Variants in ARK2C observed in about 807,000 individuals in gnomAD.
ARK2C encodes E3 ubiquitin-protein ligase ARK2C.
the ARK2C span, among the ~76,000 whole-genome samples, chr18:46,370,535 T>C: frequency 6.6e-6 from 1 of 152,146 alleles, no homozygotes. Context: ...GGGAAAACAT[T>C]GTGTTCAGAT....
chr18:46,358,951 GGTCCCC>G, the ARK2C span, among the ~76,000 whole-genome samples: 1 of 152,140 alleles, frequency 6.6e-6, no homozygotes, highest in African/African-American at 2.4e-5. Flanking sequence ...CAGAGCCCCA[GGTCCCC>G]TACCCCTTTG....
At chr18:46,360,817 G>A in the ARK2C span, among the ~76,000 whole-genome samples, 3 of 152,188 alleles carry the variant, frequency 2.0e-5, no homozygotes, top group African/African-American at 7.2e-5. Flanking sequence ...AGGGTCACAG[G>A]GCCCACCTAA....
chr18:46,399,350 G>C, the ARK2C span, among the ~76,000 whole-genome samples: 1 of 152,204 alleles, frequency 6.6e-6, no homozygotes, highest in Non-Finnish European at 1.5e-5. Flanking sequence ...AAGGATGCTG[G>C]GGTGCTGGCC....
the ARK2C span, among the ~76,000 whole-genome samples, chr18:46,384,972 C>T: frequency 5.9e-5 from 9 of 152,260 alleles, no homozygotes; most frequent in African/African-American, 2.2e-4. Context: ...CCACTCACTT[C>T]TTGATGGTCA....
At chr18:46,343,844 G>A in the ARK2C span, among the ~76,000 whole-genome samples, 1 of 152,216 alleles carries the variant, frequency 6.6e-6, no homozygotes, top group Admixed American at 6.5e-5. Flanking sequence ...AATTGCCCCT[G>A]CCTGGCTAGT....
chr18:46,381,967 C>T, the ARK2C span, among the ~76,000 whole-genome samples: 1 of 152,196 alleles, frequency 6.6e-6, no homozygotes, highest in South Asian at 2.1e-4. Context: ...GCAGGGCCTC[C>T]CTTCTCTTAG....
the ARK2C span, among the ~76,000 whole-genome samples, chr18:46,429,433 C>G: frequency 6.6e-6 from 1 of 152,156 alleles, no homozygotes; most frequent in African/African-American, 2.4e-5. Context: ...CATAAATTAC[C>G]AAGCAAATTT....
chr18:46,359,426 C>A, the ARK2C span, among the ~76,000 whole-genome samples: 1 of 152,102 alleles, frequency 6.6e-6, no homozygotes, highest in Non-Finnish European at 1.5e-5. Context: ...GGGACCTGAC[C>A]ACTGATGAGC....
chr18:46,461,191 C>T, the ARK2C span: 1 of 152,328 alleles, frequency 6.6e-6, no homozygotes. Flanking sequence ...GTCCCAATGA[C>T]CTTGAGCAAG....
At chr18:46,371,352 C>A in the ARK2C span, among the ~76,000 whole-genome samples, 1 of 152,106 alleles carries the variant, frequency 6.6e-6, no homozygotes, top group Non-Finnish European at 1.5e-5. Context: ...AGGAGGGTCA[C>A]GGGGTCTGAT....
At chr18:46,335,939 G>A in the ARK2C span, 1 of 985,320 alleles carries the variant, frequency 1.0e-6, no homozygotes, top group Non-Finnish European at 1.2e-6. Flanking sequence ...TTCTGCCTCC[G>A]CATTTAGCTG....
At chr18:46,355,555 G>A in the ARK2C span, among the ~76,000 whole-genome samples, 23 of 152,134 alleles carry the variant, frequency 1.5e-4, no homozygotes, top group Admixed American at 1.5e-3. Flanking sequence ...CCAAACCAGC[G>A]GTCCCAGCTC....
chr18:46,373,768 G>T, the ARK2C span, among the ~76,000 whole-genome samples: 12 of 152,276 alleles, frequency 7.9e-5, no homozygotes, highest in African/African-American at 2.4e-4. Flanking sequence ...AATCTTACAC[G>T]TGGGGAAGCT....
At chr18:46,454,622 T>C in the ARK2C span, among the ~76,000 whole-genome samples, 1 of 152,198 alleles carries the variant, frequency 6.6e-6, no homozygotes, top group Non-Finnish European at 1.5e-5. Context: ...CTCCAGAGTT[T>C]AGGACCAGAG....
the ARK2C span, among the ~76,000 whole-genome samples, chr18:46,438,328 G>A: frequency 2.0e-5 from 3 of 152,184 alleles, no homozygotes; most frequent in Non-Finnish European, 2.9e-5. Context: ...TTTAGGGTTC[G>A]AGGAACCACA....
chr18:46,341,011 TAGC>T, the ARK2C span, among the ~76,000 whole-genome samples: 186 of 152,282 alleles, frequency 1.2e-3, no homozygotes, highest in South Asian at 4.6e-3. Context: ...AGAAAGTACG[TAGC>T]AGGAGGGAAG....
chr18:46,433,272 C>T, the ARK2C span: 1 of 1,610,848 alleles, frequency 6.2e-7, no homozygotes, highest in Non-Finnish European at 8.5e-7. Flanking sequence ...CGCAGCAGCT[C>T]GCTCCCGACT....
chr18:46,342,328 A>G, the ARK2C span, among the ~76,000 whole-genome samples: 3 of 152,050 alleles, frequency 2.0e-5, no homozygotes, highest in South Asian at 6.2e-4. Context: ...TGAGAAAGGA[A>G]TACCTGCTTT....
chr18:46,411,699 G>A, the ARK2C span, among the ~76,000 whole-genome samples: 1 of 152,310 alleles, frequency 6.6e-6, no homozygotes, highest in African/African-American at 2.4e-5. Context: ...TTCCAAAGGG[G>A]TGAGGCCCTA....
Sources: gnomAD v4.1 joint callset for allele counts (sites outside exome capture counted in the v4.1 genomes callset) on GRCh38, gnomAD v4.1.1 for gene constraint, MANE v1.5 for transcripts, NCBI Gene and HGNC (gene_info 2026-07-23, HGNC 2026-07-21) for gene names.